RYK: variants seen among roughly 807,000 people sequenced by gnomAD.
RYK encodes receptor like tyrosine kinase, also known as inactive tyrosine-protein kinase RYK.
RYK carries 21 observed loss-of-function variants against 70.2 expected under a neutral mutation model. The observed-to-expected ratio is 0.30, with a 90% CI of 0.21 to 0.43. The LOEUF (loss-of-function observed/expected upper bound fraction) is 0.43, where lower values mean the gene tolerates loss of function less well. Ranked by LOEUF, RYK falls within the 20% of genes least tolerant of loss-of-function variation. RYK has a pLI of 1.00. For synonymous variants in RYK, 267 were observed against 278.0 expected, an observed-to-expected ratio of 0.96 and a Z score of 0.39; for missense variants, 604 against 753.3, an observed-to-expected ratio of 0.80 and a Z score of 2.32.
intron 13 of RYK, among the ~76,000 whole-genome samples, chr3:134,171,445 A>AT (rs1576503324): frequency 6.6e-6 from 1 of 152,234 alleles, no homozygotes; most frequent in Non-Finnish European, 1.5e-5. Context: ...TGTTGAAAGT[A>AT]TATTATCTAA....
chr3:134,194,200 A>T (rs1016693853), intron 7 of RYK, among the ~76,000 whole-genome samples: 1 of 152,246 alleles, frequency 6.6e-6, no homozygotes, highest in African/African-American at 2.4e-5. Context: ...CATCTGGTTA[A>T]CCTGAAATAC....
chr3:134,224,670 TAGACCAAGG>T (rs2014847123), intron 1 of RYK, among the ~76,000 whole-genome samples: 2 of 151,760 alleles, frequency 1.3e-5, no homozygotes. Flanking sequence ...GCGCTACCAC[TAGACCAAGG>T]TCTGCTAAGT....
intron 1 of RYK, among the ~76,000 whole-genome samples, chr3:134,240,948 ATTGCTGT>A: frequency 6.6e-6 from 1 of 152,240 alleles, no homozygotes; most frequent in Admixed American, 6.5e-5. Context: ...CTACACAGCT[ATTGCTGT>A]AAGCAAATAA....
At chr3:134,247,118 G>C (rs2107699964) in intron 1 of RYK, among the ~76,000 whole-genome samples, 1 of 152,006 alleles carries the variant, frequency 6.6e-6, no homozygotes, top group Admixed American at 6.5e-5. Flanking sequence ...AAACAAAAAT[G>C]TATAAAAAAA....
At chr3:134,245,121 T>C (rs889911094) in intron 1 of RYK, among the ~76,000 whole-genome samples, 12 of 152,124 alleles carry the variant, frequency 7.9e-5, no homozygotes, top group Non-Finnish European at 1.8e-4. Context: ...CTAACACTCA[T>C]CTATAAAATG....
chr3:134,206,102 T>C (rs529513362), intron 5 of RYK, among the ~76,000 whole-genome samples: 1 of 152,374 alleles, frequency 6.6e-6, no homozygotes, highest in East Asian at 1.9e-4. Flanking sequence ...TTTTTTTTAA[T>C]GTTTTTTCTT....
At chr3:134,244,769 TTC>T (rs1225056835) in intron 1 of RYK, among the ~76,000 whole-genome samples, 1 of 152,208 alleles carries the variant, frequency 6.6e-6, no homozygotes, top group Non-Finnish European at 1.5e-5. Flanking sequence ...GTTTTCTCAT[TTC>T]TCTGTGTCAC....
chr3:134,250,592 C>G lies in RYK; in HGVS notation c.63G>C (p.Leu21=). 1 of 1,076,530 alleles carries G rather than the reference C, an allele frequency of 9.3e-7. No individual in the cohort carries two copies. The highest frequency in any genetic ancestry group is 4.4e-5 in the South Asian group (1 of 22,720). The allele number at this position is 1,076,530 out of a possible 1,614,324, so 66.7% of individuals were successfully genotyped here. ...GRSCLPGARG[L]RAPPPPPLLL... ...GCAGCGGCGGCGGCGGCGGGGCCCT[C>G]AGGCCGCGGGCCCCCGGGAGGCAAC... is the stretch of plus-strand genomic sequence containing the variant. Residue 21 remains leucine, a synonymous_variant, in exon 1 of 15, where the codon CTG becomes CTC. Transcript: ENST00000623711.
At chr3:134,167,985 G>A (rs1286985180) in intron 13 of RYK, among the ~76,000 whole-genome samples, 1 of 152,142 alleles carries the variant, frequency 6.6e-6, no homozygotes, top group Non-Finnish European at 1.5e-5. Flanking sequence ...CTTCTCAAAA[G>A]AAGACATTTA....
intron 13 of RYK, among the ~76,000 whole-genome samples, chr3:134,175,158 A>G (rs1192559577): frequency 6.6e-6 from 1 of 152,140 alleles, no homozygotes; most frequent in African/African-American, 2.4e-5. Context: ...CAACATGGTG[A>G]AACCCCGTCT....
At chr3:134,167,951 G>C (rs1177228154) in intron 13 of RYK, among the ~76,000 whole-genome samples, 2 of 152,194 alleles carry the variant, frequency 1.3e-5, no homozygotes, top group Admixed American at 1.3e-4. Flanking sequence ...CCATCAAAGA[G>C]TGGGCAAAGG....
chr3:134,205,836 C>A (rs889400433), intron 5 of RYK, among the ~76,000 whole-genome samples: 7 of 152,262 alleles, frequency 4.6e-5, no homozygotes, highest in Admixed American at 4.6e-4. Flanking sequence ...ACATTATAAA[C>A]CCCCGAGGAA....
At chr3:134,246,448 A>G (rs2015470916) in intron 1 of RYK, among the ~76,000 whole-genome samples, 1 of 151,858 alleles carries the variant, frequency 6.6e-6, no homozygotes, top group African/African-American at 2.4e-5. Flanking sequence ...GTAATACAAG[A>G]AAGAAAAGGA....
Position 134,250,617 on chromosome 3 carries a change from C to T in RYK, c.38G>A (p.Ser13Asn), listed in dbSNP as rs2015593606. Residue 13 changes from serine to asparagine, a missense_variant, in exon 1 of 15, where the codon AGT (serine) becomes AAT (asparagine). This residue lies in a region of RYK where 466 missense variants were observed against 535.9 expected (regional missense o/e 0.87). Coordinates refer to ENST00000623711, the MANE Select transcript of RYK (RefSeq NM_002958.4). ...GAARLGRPGRSCLPGARGLRA... is the reference protein window; with the variant it reads ...GAARLGRPGRNCLPGARGLRA... ...CAGGCCGCGGGCCCCCGGGAGGCAA[C>T]TCCGGCCCGGCCGCCCCAGCCGCGC... 1 of 1,012,244 alleles carries T rather than the reference C, an allele frequency of 9.9e-7. No individual in the cohort carries two copies. The highest frequency in any genetic ancestry group is 1.2e-6 in the Non-Finnish European group (1 of 847,658). 62.7% of individuals were successfully genotyped at this position (1,012,244 alleles called of 1,614,324 possible). A position where few individuals can be genotyped will look rare whatever the true frequency, so the allele number is the denominator to read the frequency against.
At chr3:134,215,193 G>C (rs1219011637) in intron 2 of RYK, among the ~76,000 whole-genome samples, 4 of 151,992 alleles carry the variant, frequency 2.6e-5, no homozygotes, top group Non-Finnish European at 4.4e-5. Context: ...AGCAGAGAGG[G>C]CCTGGCAAAG....
chr3:134,203,355 A>G (rs1200253865), intron 5 of RYK, among the ~76,000 whole-genome samples: 2 of 152,200 alleles, frequency 1.3e-5, no homozygotes, highest in African/African-American at 2.4e-5. Context: ...TATTCTTACC[A>G]AAAGAGTTGG....
intron 1 of RYK, among the ~76,000 whole-genome samples, chr3:134,227,396 G>C (rs2014941536): frequency 6.6e-6 from 1 of 151,654 alleles, no homozygotes; most frequent in African/African-American, 2.4e-5. Flanking sequence ...AATCTCAATA[G>C]ATTTTTTTGA....
At chr3:134,250,269 G>A (rs374725154) in intron 1 of RYK, among the ~76,000 whole-genome samples, 154 bp downstream of exon 1, 1 of 152,100 alleles carries the variant, frequency 6.6e-6, no homozygotes. Flanking sequence ...CAGCCAGCAC[G>A]GCAGGCAGAG....
At chr3:134,165,569 T>C (rs2012635867) in intron 13 of RYK, among the ~76,000 whole-genome samples, 1 of 152,198 alleles carries the variant, frequency 6.6e-6, no homozygotes, top group African/African-American at 2.4e-5. Context: ...AGGTCTGGTG[T>C]GCCCCAAGTG....
Sources: gnomAD v4.1 joint callset for allele counts (sites outside exome capture counted in the v4.1 genomes callset) on GRCh38, gnomAD v4.1.1 for gene constraint, gnomAD v4.1.1 regional missense constraint, MANE v1.5 for transcripts, NCBI Gene and HGNC (gene_info 2026-07-23, HGNC 2026-07-21) for gene names.